GALM: variants seen among roughly 807,000 people sequenced by gnomAD.
GALM encodes galactose mutarotase.
GALM carries 43 observed loss-of-function variants against 37.4 expected under a neutral mutation model. That is an observed-to-expected ratio of 1.15 (90% CI 0.90 to 1.48). The LOEUF is 1.48. Ranked by LOEUF, GALM falls within the 40% of genes most tolerant of loss-of-function variation. The pLI is 0.00. For synonymous variants in GALM, 199 were observed against 170.6 expected (o/e 1.17, Z -1.30); for missense variants, 456 against 419.1 (o/e 1.09, Z -0.77).
chr2:38,718,662 G>A (rs928230874), intron 4 of GALM, among the ~76,000 whole-genome samples: 1 of 151,736 alleles, frequency 6.6e-6, no homozygotes, highest in African/African-American at 2.4e-5. Context: ...CCTGTGCTGA[G>A]GAGTGTAGCA....
chr2:38,703,381 C>G (rs1572530426), intron 4 of GALM, among the ~76,000 whole-genome samples: 1 of 151,540 alleles, frequency 6.6e-6, no homozygotes, highest in Non-Finnish European at 1.5e-5. Context: ...GCTGGGATTA[C>G]AAGCGTGAGC....
chr2:38,666,472 G>A (rs1664940552), intron 1 of GALM, 121 bp downstream of exon 1: 1 of 717,234 alleles, frequency 1.4e-6, no homozygotes, highest in Admixed American at 3.1e-5. Flanking sequence ...GCTTGGGACC[G>A]TCTGACTTGC....
At chr2:38,722,807 G>T (rs1000376009) in intron 4 of GALM, among the ~76,000 whole-genome samples, 1 of 152,194 alleles carries the variant, frequency 6.6e-6, no homozygotes, top group Admixed American at 6.5e-5. Flanking sequence ...AACTGTCGGG[G>T]TTGGGGGCGT....
At position 38,675,996 on chromosome 2, in the gene GALM, G is replaced by C; in HGVS notation, c.275G>C (p.Gly92Ala). ...GCCAAAGGAACCTTCAAGGTGGATG[G>C]GAAGGAGTATCACCTGGCCATTAAC... ...RIAKGTFKVD[G>A]KEYHLAINKE... is the part of the protein sequence containing the mutation. The change falls in exon 2 of 7, where the codon GGG becomes GCG. Residue 92 changes from glycine to alanine, a missense_variant. By Grantham distance (60) the Gly-to-Ala change is moderately conservative (BLOSUM62 0). Coordinates refer to ENST00000272252, the MANE Select transcript of GALM (RefSeq NM_138801.3). 6.2e-7 allele frequency: 1 copy of C among 1,614,062 alleles called. No homozygotes were observed. The highest frequency in any genetic ancestry group is 1.3e-5 in the African/African-American group (1 of 75,030).
intron 3 of GALM, among the ~76,000 whole-genome samples, chr2:38,685,173 C>T (rs1665490109): frequency 6.6e-6 from 1 of 152,180 alleles, no homozygotes; most frequent in African/African-American, 2.4e-5. Flanking sequence ...AGAAGTGTGG[C>T]CTATGCTCTG....
In GALM at chr2:38,731,444, C is replaced by T. The variant is rs1379325149; in HGVS notation, c.777-291C>T. On this transcript the variant is annotated intron_variant, in intron 5 of 6. Transcript: ENST00000272252. ...AGAATCTCAGCCTCTCCAGGACCTT[C>T]CTCTCTCCAACCTGGCTGCTGCCTT... 2.0e-5 allele frequency among the ~76,000 whole-genome samples: 3 copies of T among 151,456 alleles called. No individual in the cohort carries two copies. The South Asian group carries it at 6.3e-4, about 32-fold the overall frequency.
Position 38,734,544 on chromosome 2 carries a change from G to A in GALM, c.*979G>A, listed in dbSNP as rs1434772128. Reference sequence around the variant, plus strand: ...AGACAGGCAAGCACTGGAAACAGGAGCTATTAGGGTGAGGAGAGAGCCTTG... The same window carrying A: ...AGACAGGCAAGCACTGGAAACAGGAACTATTAGGGTGAGGAGAGAGCCTTG... On this transcript the variant is annotated 3_prime_UTR_variant, in exon 7 of 7. Transcript: ENST00000272252. 2 of 152,164 alleles carry A rather than the reference G, an allele frequency of 1.3e-5. No homozygotes were observed. The highest frequency in any genetic ancestry group is 1.3e-4 in the Admixed American group (2 of 15,236). 9.4% of individuals were successfully genotyped at this position (152,164 alleles called of 1,614,324 possible).
At chr2:38,669,732 G>T (rs1431528224) in intron 1 of GALM, among the ~76,000 whole-genome samples, 1 of 152,026 alleles carries the variant, frequency 6.6e-6, no homozygotes, top group Non-Finnish European at 1.5e-5. Flanking sequence ...AATTAGCTGG[G>T]CATGGTGGCG....
intron 4 of GALM, among the ~76,000 whole-genome samples, chr2:38,728,686 A>AAAAACAAAACAAAACAAAAC (rs70954748): frequency 1.6e-4 from 24 of 150,614 alleles, no homozygotes; most frequent in East Asian, 7.9e-4. Context: ...CTCCATCTCA[A>AAAAACAAAACAAAACAAAAC]AAAACAAAAC....
chr2:38,690,860 A>G (rs746725201), intron 4 of GALM, among the ~76,000 whole-genome samples: 2 of 152,258 alleles, frequency 1.3e-5, no homozygotes, highest in African/African-American at 2.4e-5. Context: ...AGGAACTCCC[A>G]TAAATATAGT....
At chr2:38,717,363 G>A (rs35182980) in intron 4 of GALM, among the ~76,000 whole-genome samples, 86,038 of 150,086 alleles carry the variant, frequency 0.57, 25,819 homozygotes, top group East Asian at 0.81. Context: ...GAGAGTGAGA[G>A]AGTACACACA....
chr2:38,718,842 C>T (rs1203332374), intron 4 of GALM, among the ~76,000 whole-genome samples: 1 of 151,754 alleles, frequency 6.6e-6, no homozygotes, highest in East Asian at 2.0e-4. Context: ...TGAGGGCCAC[C>T]AGGCAGGGGA....
chr2:38,703,912 G>T (rs1294318428), intron 4 of GALM, among the ~76,000 whole-genome samples: 1 of 151,982 alleles, frequency 6.6e-6, no homozygotes, highest in Non-Finnish European at 1.5e-5. Flanking sequence ...CTACTCAGGA[G>T]GCTGAGGCAC....
At chr2:38,711,854 C>CCAT (rs1272357921) in intron 4 of GALM, among the ~76,000 whole-genome samples, 1 of 17,540 alleles carries the variant, frequency 5.7e-5, no homozygotes, top group Non-Finnish European at 1.0e-4. Context: ...ATCACCACCA[C>CCAT]CATCATCATC....
chr2:38,667,918 C>G (rs1205205759), intron 1 of GALM, among the ~76,000 whole-genome samples: 2 of 152,176 alleles, frequency 1.3e-5, no homozygotes, highest in Non-Finnish European at 2.9e-5. Context: ...ACCCTCATTC[C>G]AGAGGGGTCC....
At chr2:38,711,186 G>C (rs1182367326) in intron 4 of GALM, among the ~76,000 whole-genome samples, 1 of 141,442 alleles carries the variant, frequency 7.1e-6, no homozygotes, top group Non-Finnish European at 1.5e-5. Flanking sequence ...TTGAGACGGA[G>C]TCTCGCTCTG....
chr2:38,703,004 C>T (rs1268511926), intron 4 of GALM, among the ~76,000 whole-genome samples: 1 of 99,980 alleles, frequency 1.0e-5, no homozygotes, highest in Non-Finnish European at 1.9e-5. Context: ...TGCCTGTGAT[C>T]CTAGCTACTC....
chr2:38,732,051 ACT>A, intron 6 of GALM, 142 bp downstream of exon 6: 1 of 764,932 alleles, frequency 1.3e-6, no homozygotes, highest in Non-Finnish European at 2.1e-6. Flanking sequence ...ACAGAGTCTC[ACT>A]CTTGTCGCCT....
intron 4 of GALM, among the ~76,000 whole-genome samples, chr2:38,712,796 C>T (rs1266256656): frequency 6.6e-6 from 1 of 152,030 alleles, no homozygotes; most frequent in Non-Finnish European, 1.5e-5. Flanking sequence ...GGGCTGGCCT[C>T]GAATTTAGGT....
Sources: allele counts gnomAD v4.1 joint callset (sites outside exome capture counted in the v4.1 genomes callset), GRCh38; gene constraint gnomAD v4.1.1; transcripts MANE v1.5; gene names NCBI Gene and HGNC (gene_info 2026-07-23, HGNC 2026-07-21).